GLI2: variants seen among roughly 807,000 people sequenced by gnomAD.
The protein encoded by GLI2 is transcription activator GLI2.
A neutral mutation model predicts 78.9 loss-of-function variants in GLI2; 22 were observed. The ratio of observed to expected loss-of-function variants is 0.28; its 90% CI spans 0.20 to 0.40. GLI2 has a LOEUF of 0.40. Among genes scored for constraint, GLI2 ranks in the 10% least tolerant of loss-of-function variants. The probability of loss-of-function intolerance (pLI) is 1.00; values close to 1 mark genes in which losing one functional copy is unlikely to be tolerated. For missense variants in GLI2, 2,097 were observed against 2,213.2 expected (o/e 0.95, Z 1.05); for synonymous variants, 974 against 963.7 (o/e 1.01, Z -0.20).
At chr2:120,985,651 C>T (rs1682938360) in intron 12 of GLI2, among the ~76,000 whole-genome samples, 2 of 152,164 alleles carry the variant, frequency 1.3e-5, no homozygotes, top group Non-Finnish European at 2.9e-5. Flanking sequence ...CTGGTGCAAG[C>T]CTCATCTGGG....
At chr2:120,789,029 CTTTCTTTTTT>C (rs1387836915) in intron 1 of GLI2, among the ~76,000 whole-genome samples, 5 of 135,500 alleles carry the variant, frequency 3.7e-5, no homozygotes, top group African/African-American at 1.3e-4. Context: ...TTATTTCTTT[CTTTCTTTTTT>C]TTTTTTTTTT....
At chr2:120,853,818 G>C (rs1473108105) in intron 2 of GLI2, among the ~76,000 whole-genome samples, 1 of 152,146 alleles carries the variant, frequency 6.6e-6, no homozygotes, top group Non-Finnish European at 1.5e-5. Context: ...GTGGGGTGCT[G>C]TCTGAATGGC....
chr2:120,928,408 C>T (rs1679796135), intron 3 of GLI2, among the ~76,000 whole-genome samples: 2 of 152,176 alleles, frequency 1.3e-5, no homozygotes, highest in Admixed American at 1.3e-4. Context: ...CAGTGTGATC[C>T]TTCACACTGA....
rs1473583310 is a variant in GLI2 at position 120,832,174 on chromosome 2, A to T, written c.148+34706A>T. 2.0e-5 allele frequency among the ~76,000 whole-genome samples: 3 copies of T among 152,166 alleles called. 1 individual carries two copies. In the East Asian group the frequency reaches 5.8e-4, roughly 29 times the overall value. ...CAGAGCCCCGGCCACTGAGGACTTC[A>T]TCTCTGTGTCTTAAGAGCTCATCGG... On this transcript the variant is annotated intron_variant, in intron 2 of 13. Transcript: ENST00000361492.
chr2:120,978,660 G>A (rs1160144170), intron 10 of GLI2, 77 bp downstream of exon 10: 6 of 1,518,510 alleles, frequency 4.0e-6, no homozygotes, highest in Non-Finnish European at 4.5e-6. Flanking sequence ...CATGTTTGGA[G>A]GTGGCTGGCC....
rs547584278 is a variant in GLI2, at chr2:120,845,622, C to T, written c.148+48154C>T. Reference sequence around the variant, plus strand: ...CCTGGAAAGCAAACGGCACAGCAGTCGGGAGCCCCGGTCAGCTTCTTGTGC... The same window carrying T: ...CCTGGAAAGCAAACGGCACAGCAGTTGGGAGCCCCGGTCAGCTTCTTGTGC... On this transcript the variant is annotated intron_variant, in intron 2 of 13. Coordinates refer to ENST00000361492, the MANE Select transcript of GLI2 (RefSeq NM_001374353.1). 2.0e-5 allele frequency among the ~76,000 whole-genome samples: 3 copies of T among 152,282 alleles called. No individual in the cohort carries two copies. The East Asian group carries it at 5.8e-4, about 29-fold the overall frequency.
intron 5 of GLI2, among the ~76,000 whole-genome samples, chr2:120,956,728 G>A (rs1573672202): frequency 1.3e-5 from 2 of 152,208 alleles, no homozygotes; most frequent in Admixed American, 6.5e-5. Context: ...GAGCCTGCAG[G>A]GAGACCGTCC....
At chr2:120,883,891 G>A (rs1385457137) in intron 2 of GLI2, among the ~76,000 whole-genome samples, 1 of 152,166 alleles carries the variant, frequency 6.6e-6, no homozygotes. Context: ...CTCTACGGGG[G>A]ACTCCCTTCC....
intron 4 of GLI2, 118 bp from the exon 5 acceptor site, chr2:120,955,127 G>A (rs1681180216): frequency 2.1e-5 from 15 of 716,972 alleles, no homozygotes; most frequent in Middle Eastern, 3.4e-4. Context: ...GAGAAACCCC[G>A]ACACCAGGTG....
At chr2:120,791,293 C>G (rs1281105395) in intron 1 of GLI2, among the ~76,000 whole-genome samples, 2 of 152,158 alleles carry the variant, frequency 1.3e-5, no homozygotes, top group African/African-American at 4.8e-5. Context: ...CCTGAGGAGT[C>G]AGAGCCCGCT....
intron 2 of GLI2, among the ~76,000 whole-genome samples, chr2:120,864,749 A>G (rs1456862316): frequency 6.6e-6 from 1 of 151,712 alleles, no homozygotes; most frequent in Non-Finnish European, 1.5e-5. Flanking sequence ...GCCCGGCCCC[A>G]TCCTCTCTTA....
At chr2:120,957,439 A>G (rs540604766) in intron 5 of GLI2, among the ~76,000 whole-genome samples, 1 of 152,330 alleles carries the variant, frequency 6.6e-6, no homozygotes, top group African/African-American at 2.4e-5. Flanking sequence ...ATACTGAGAG[A>G]AAGTTGTGTG....
intron 2 of GLI2, among the ~76,000 whole-genome samples, chr2:120,798,624 G>C (rs1408902830): frequency 6.6e-6 from 1 of 152,220 alleles, no homozygotes; most frequent in Non-Finnish European, 1.5e-5. Flanking sequence ...CCTTGGGGAG[G>C]TGGCCTTCTG....
chr2:120,862,978 G>C (rs1165065219), intron 2 of GLI2, among the ~76,000 whole-genome samples: 1 of 152,200 alleles, frequency 6.6e-6, no homozygotes, highest in African/African-American at 2.4e-5. Context: ...GATCAGCTCT[G>C]CCCCTTGCCA....
chr2:120,853,262 A>G (rs1205527334), intron 2 of GLI2, among the ~76,000 whole-genome samples: 2 of 152,152 alleles, frequency 1.3e-5, no homozygotes, highest in Non-Finnish European at 2.9e-5. Context: ...GTTGGCACAA[A>G]GGTGTGAGGC....
chr2:120,893,352 G>A (rs1677774095), intron 2 of GLI2, among the ~76,000 whole-genome samples: 2 of 150,842 alleles, frequency 1.3e-5, no homozygotes, highest in Non-Finnish European at 3.0e-5. Context: ...TCCCCCACCT[G>A]GGGTATGTGT....
At chr2:120,896,696 T>TAC (rs70954513) in intron 2 of GLI2, among the ~76,000 whole-genome samples, 6,453 of 128,626 alleles carry the variant, frequency 0.05, 231 homozygotes, top group East Asian at 0.17. Flanking sequence ...CACACACCCA[T>TAC]ACACACACAC....
chr2:120,825,640 A>G (rs977176989), intron 2 of GLI2, among the ~76,000 whole-genome samples: 5 of 151,432 alleles, frequency 3.3e-5, no homozygotes, highest in African/African-American at 9.7e-5. Context: ...GTGAGCGTGC[A>G]CCGGACTGTG....
intron 2 of GLI2, among the ~76,000 whole-genome samples, chr2:120,827,108 G>A (rs1328579830): frequency 3.3e-5 from 5 of 152,178 alleles, no homozygotes; most frequent in African/African-American, 4.8e-5. Context: ...ATCCGTGACC[G>A]GATGAGTGCT....
Sources: allele counts gnomAD v4.1 joint callset (sites outside exome capture counted in the v4.1 genomes callset), GRCh38; gene constraint gnomAD v4.1.1; transcripts MANE v1.5; gene names NCBI Gene and HGNC (gene_info 2026-07-23, HGNC 2026-07-21).